Variants in KCNK10 observed in about 807,000 individuals in gnomAD.
KCNK10 encodes the protein potassium channel subfamily K member 10.
KCNK10 carries 25 observed loss-of-function variants against 47.7 expected under a neutral mutation model. The ratio of observed to expected loss-of-function variants is 0.52; its 90% confidence interval spans 0.38 to 0.73. The LOEUF (loss-of-function observed/expected upper bound fraction) is 0.73. Ranked by LOEUF, KCNK10 falls within the 30% of genes least tolerant of loss-of-function variation. The probability of loss-of-function intolerance (pLI) is 0.00; values close to 1 mark genes in which losing one functional copy is unlikely to be tolerated. For synonymous variants in KCNK10, 303 were observed against 285.6 expected (o/e 1.06, Z -0.61); for missense variants, 563 against 714.5 (o/e 0.79, Z 2.42).
intron 1 of KCNK10, among the ~76,000 whole-genome samples, chr14:88,287,052 T>C (rs1455199935): frequency 6.6e-6 from 1 of 152,202 alleles, no homozygotes; most frequent in Non-Finnish European, 1.5e-5. Flanking sequence ...AAAATAACTT[T>C]ACAAGCAAGG....
chr14:88,186,078 G>A lies in KCNK10; in HGVS notation c.1089C>T (p.Leu363=). ...GCAGCTTATCGTGGATCTCCACGCT[G>A]AGCCTTCGCCGTGTCTCCCGGAACT... ...TAEFRETRRR[L]SVEIHDKLQR... is the part of the protein sequence containing the mutation. The change falls in exon 7 of 7, where the codon CTC becomes CTT. Residue 363 remains leucine (L), a synonymous_variant. Transcript: ENST00000319231. This position sits in a 1 kb window ranked among gnomAD's most constrained non-coding sequence, Gnocchi z 5.5. 6.2e-7 allele frequency: 1 copy of A among 1,612,184 alleles called. No individual in the cohort carries two copies. Among genetic ancestry groups the A allele is most frequent in the Non-Finnish European group, 8.5e-7 (1 of 1,179,852 alleles).
At chr14:88,202,763 C>A (rs750894844) in intron 4 of KCNK10, among the ~76,000 whole-genome samples, 3 of 140,048 alleles carry the variant, frequency 2.1e-5, no homozygotes, top group African/African-American at 8.1e-5. Flanking sequence ...GTGGGAGGGA[C>A]GAGATCTTCC....
At chr14:88,282,417 C>A (rs1464879363) in intron 1 of KCNK10, among the ~76,000 whole-genome samples, 1 of 152,192 alleles carries the variant, frequency 6.6e-6, no homozygotes, top group Non-Finnish European at 1.5e-5. Context: ...GCTTGAGTTT[C>A]TCAATTTGAT....
At position 88,182,065 on chromosome 14, in the gene KCNK10, C is replaced by G. The variant is rs2139814620; in HGVS notation, c.*3470G>C. 1 of 155,286 alleles carries G rather than the reference C, an allele frequency of 6.4e-6. No homozygotes were observed. Among genetic ancestry groups the G allele is most frequent in the South Asian group, 2.1e-4 (1 of 4,862 alleles). 9.6% of individuals were successfully genotyped at this position (155,286 alleles called of 1,614,324 possible). ...ACACACACACACACACACACACACA[C>G]ACACACACACACACACACACTCTAT... On this transcript the variant is annotated 3_prime_UTR_variant, in exon 7 of 7. Transcript: ENST00000319231.
In KCNK10 at chr14:88,186,066, G is replaced by T. The variant is rs776404636; in HGVS notation, c.1101C>A (p.Ile367=). The change falls in exon 7 of 7, where the codon ATC becomes ATA. Residue 367 remains isoleucine (I), a synonymous_variant. Transcript: ENST00000319231. The surrounding 1 kb of genome is among the most constrained non-coding windows in gnomAD (Gnocchi z 5.5). ...RETRRRLSVE[I]HDKLQRAATI... Reference sequence around the variant, plus strand: ...TGGCCGCCCGCTGCAGCTTATCGTGGATCTCCACGCTGAGCCTTCGCCGTG... The same window carrying T: ...TGGCCGCCCGCTGCAGCTTATCGTGTATCTCCACGCTGAGCCTTCGCCGTG... 1 of 1,612,754 alleles carries T rather than the reference G, an allele frequency of 6.2e-7. No homozygotes were observed. The highest frequency in any genetic ancestry group is 1.1e-5 in the South Asian group (1 of 91,012).
At position 88,260,395 on chromosome 14, in the gene KCNK10, C is replaced by A. The variant is rs140204822; in HGVS notation, c.402+2807G>T. 6.6e-6 allele frequency among the ~76,000 whole-genome samples: 1 copy of A among 152,152 alleles called. No homozygotes were observed. The highest frequency in any genetic ancestry group is 1.5e-5 in the Non-Finnish European group (1 of 68,042). ...CAAGCCATGCTTCCTGCACAGCCTG[C>A]GGAACTGTGAATCAATTAAACCTCT... On this transcript the variant is annotated intron_variant, in intron 2 of 6. Coordinates refer to ENST00000319231, the MANE Select transcript of KCNK10 (RefSeq NM_138317.3). This position sits in a 1 kb window ranked among gnomAD's most constrained non-coding sequence, Gnocchi z 4.5.
rs780340791 is a variant in KCNK10, at chr14:88,185,880, G to A, written c.1287C>T (p.Arg429=). The A allele has an allele frequency of 1.2e-6, 2 of 1,613,980 alleles. No homozygotes were observed. The highest frequency in any genetic ancestry group is 2.2e-5 in the East Asian group (1 of 44,886). The part of the protein sequence containing the change: ...ESINNRPNNL[R]LKGPEQLNKH... ...TGTTCAGCTGCTCCGGCCCCTTCAGGCGCAGGTTGTTGGGCCGGTTGTTGA... is the reference window on the plus strand; with the variant it reads ...TGTTCAGCTGCTCCGGCCCCTTCAGACGCAGGTTGTTGGGCCGGTTGTTGA... The change falls in exon 7 of 7, where the codon CGC becomes CGT. Residue 429 remains arginine, a synonymous_variant. Transcript: ENST00000319231. This position sits in a 1 kb window ranked among gnomAD's most constrained non-coding sequence, Gnocchi z 4.3.
At chr14:88,288,999 C>T (rs527365865) in intron 1 of KCNK10, among the ~76,000 whole-genome samples, 92 of 152,310 alleles carry the variant, frequency 6.0e-4, no homozygotes, top group African/African-American at 2.1e-3. Context: ...TACTGATTTG[C>T]TCATTCCCTG....
At chr14:88,294,500 A>G (rs532296528) in intron 1 of KCNK10, among the ~76,000 whole-genome samples, 2 of 152,376 alleles carry the variant, frequency 1.3e-5, no homozygotes, top group Non-Finnish European at 2.9e-5. Flanking sequence ...TTGAAAATCA[A>G]CAATTCTCTT....
intron 1 of KCNK10, among the ~76,000 whole-genome samples, chr14:88,284,486 A>G (rs974553576): frequency 1.3e-5 from 2 of 152,202 alleles, no homozygotes; most frequent in Admixed American, 1.3e-4. Flanking sequence ...CAAAAACTCA[A>G]ACGTAGGGAA....
In KCNK10 at chr14:88,227,585, T is replaced by C. The variant is rs1271467567; in HGVS notation, c.521-50A>G. The C allele has an allele frequency of 2.0e-6, 3 of 1,518,298 alleles. No individual in the cohort carries two copies. The African/African-American group carries it at 4.2e-5, about 21-fold the overall frequency. 94.1% of individuals were successfully genotyped at this position (1,518,298 alleles called of 1,614,324 possible). ...GAGAGTGGCAGAGAAATTAGCATAC[T>C]GACCAAAGAACTCACAGACTTTTTT... On this transcript the variant is annotated intron_variant, in intron 3 of 6. Coordinates refer to ENST00000319231, the MANE Select transcript of KCNK10 (RefSeq NM_138317.3).
rs567293370 is a variant in KCNK10 at position 88,314,197 on chromosome 14, TG to T, written c.52+8549del. Among the ~76,000 whole-genome samples the T allele has an allele frequency of 1.9e-3, 282 of 152,330 alleles. 2 individuals carry two copies. Among genetic ancestry groups the T allele is most frequent in the African/African-American group, 6.5e-3 (270 of 41,584 alleles). On this transcript the variant is annotated intron_variant, in intron 1 of 6. Transcript: ENST00000319231. ...CCCCAAAGGTAATGTTATTAGGAGA[TG>T]GGGCCTTTGGAAGGTAATTAGGTCA...
intron 4 of KCNK10, among the ~76,000 whole-genome samples, chr14:88,198,274 G>A (rs1036118850): frequency 5.3e-5 from 8 of 152,146 alleles, no homozygotes; most frequent in Non-Finnish European, 1.0e-4. Flanking sequence ...CCTTCTCTTT[G>A]GTTGAAGCAT....
intron 1 of KCNK10, among the ~76,000 whole-genome samples, chr14:88,305,332 A>G (rs1204407564): frequency 1.3e-5 from 2 of 152,200 alleles, no homozygotes; most frequent in Admixed American, 6.5e-5. Flanking sequence ...TATAAAACAC[A>G]AGAATTACCA....
chr14:88,230,137 C>T (rs1359893285), intron 3 of KCNK10, among the ~76,000 whole-genome samples: 1 of 152,070 alleles, frequency 6.6e-6, no homozygotes, highest in African/African-American at 2.4e-5. Flanking sequence ...AGATTAAATA[C>T]CTGTGAAATA....
chr14:88,280,649 G>A (rs1014920553), intron 1 of KCNK10, among the ~76,000 whole-genome samples: 11 of 152,106 alleles, frequency 7.2e-5, no homozygotes, highest in African/African-American at 2.2e-4. Flanking sequence ...CACCCAAACC[G>A]TTCAAGCCAA....
upstream of KCNK10, among the ~76,000 whole-genome samples, chr14:88,325,006 C>CT (rs1888631480): frequency 3.3e-5 from 5 of 152,184 alleles, no homozygotes; most frequent in Admixed American, 3.3e-4. Flanking sequence ...CTCTTCAGCC[C>CT]TTTAGGCAGG....
chr14:88,266,609 T>C (rs751287937), intron 1 of KCNK10, among the ~76,000 whole-genome samples: 11 of 152,140 alleles, frequency 7.2e-5, no homozygotes, highest in Non-Finnish European at 1.5e-4. Flanking sequence ...GATAATTCCT[T>C]CACACAAAAG....
intron 1 of KCNK10, among the ~76,000 whole-genome samples, chr14:88,288,821 C>T (rs933440373): frequency 6.6e-6 from 1 of 152,148 alleles, no homozygotes; most frequent in African/African-American, 2.4e-5. Context: ...TTGCCCAGGG[C>T]CTTACAGGGT....
Sources: allele counts gnomAD v4.1 joint callset (sites outside exome capture counted in the v4.1 genomes callset), GRCh38; gene constraint gnomAD v4.1.1; non-coding constraint Gnocchi (gnomAD v3.1); transcripts MANE v1.5; gene names NCBI Gene and HGNC (gene_info 2026-07-23, HGNC 2026-07-21).